The following PPP4R1 variants were observed in gnomAD, a reference collection of about 807,000 sequenced individuals.
PPP4R1 encodes the protein serine/threonine-protein phosphatase 4 regulatory subunit 1.
PPP4R1 carries 42 observed loss-of-function variants against 111.2 expected under a neutral mutation model. That is an observed-to-expected ratio of 0.38 (90% CI 0.29 to 0.49). PPP4R1 has a LOEUF of 0.49. Among genes scored for constraint, PPP4R1 ranks in the 20% least tolerant of loss-of-function variants. The probability of loss-of-function intolerance (pLI) is 0.97; values close to 1 mark genes in which losing one functional copy is unlikely to be tolerated. For missense variants in PPP4R1, 1,012 were observed against 1,161.6 expected (o/e 0.87, Z 1.87); for synonymous variants, 409 against 405.5 (o/e 1.01, Z -0.10).
intron 10 of PPP4R1, among the ~76,000 whole-genome samples, chr18:9,573,088 G>A (rs1183258458): frequency 6.6e-6 from 1 of 152,146 alleles, no homozygotes; most frequent in East Asian, 1.9e-4. Flanking sequence ...TGAAGCTAGT[G>A]CTGTTATGCA....
Position 9,547,676 on chromosome 18 carries a change from C to T in PPP4R1, c.*113G>A. The T allele has an allele frequency of 7.6e-7, 1 of 1,323,680 alleles. No homozygotes were observed. The highest frequency in any genetic ancestry group is 1.1e-6 in the Non-Finnish European group (1 of 949,798). The allele number at this position is 1,323,680 out of a possible 1,614,324, so 82.0% of individuals were successfully genotyped here. On this transcript the variant is annotated 3_prime_UTR_variant, in exon 20 of 20. Transcript: ENST00000400556. Reference sequence around the variant, plus strand: ...CAACTTGCACCTGCAATGAAGTCCGCAGGAGAGGAAGGTCTCTCCTCCCCC... The same window carrying T: ...CAACTTGCACCTGCAATGAAGTCCGTAGGAGAGGAAGGTCTCTCCTCCCCC...
chr18:9,565,635 C>G (rs1224470749), intron 11 of PPP4R1, among the ~76,000 whole-genome samples: 1 of 152,194 alleles, frequency 6.6e-6, no homozygotes, highest in Non-Finnish European at 1.5e-5. Context: ...GTGGTCTGGA[C>G]AGAAATCAAA....
Position 9,584,834 on chromosome 18 carries a change from A to G in PPP4R1, c.586-6T>C, listed in dbSNP as rs375774266. The G allele has an allele frequency of 7.6e-5, 121 of 1,590,914 alleles. No individual in the cohort carries two copies. The highest frequency in any genetic ancestry group is 9.4e-5 in the Non-Finnish European group (109 of 1,161,804). On this transcript the variant is annotated splice_region_variant and splice_polypyrimidine_tract_variant and intron_variant, in intron 6 of 19. Transcript: ENST00000400556. ...GGAGCCATTTTGCACATTATCTAAAATAAGTAAGAACAAACACACACTGAA... is the reference window on the plus strand; with the variant it reads ...GGAGCCATTTTGCACATTATCTAAAGTAAGTAAGAACAAACACACACTGAA...
intron 10 of PPP4R1, among the ~76,000 whole-genome samples, chr18:9,574,377 A>G (rs1450332811): frequency 1.3e-5 from 2 of 152,236 alleles, no homozygotes; most frequent in Non-Finnish European, 2.9e-5. Context: ...CTAAAGAGGT[A>G]TTGTATCCTG....
intron 6 of PPP4R1, chr18:9,587,407 TG>T (rs199691424): frequency 0.13 from 19,358 of 144,736 alleles, 1,588 homozygotes; most frequent in African/African-American, 0.24. Flanking sequence ...TTTTTTTTTT[TG>T]TTTTGTTTTT....
chr18:9,578,554 TA>T (rs58206099), intron 9 of PPP4R1, among the ~76,000 whole-genome samples: 9,214 of 135,536 alleles, frequency 0.068, 302 homozygotes, highest in Middle Eastern at 0.1. Context: ...TTCTTTTCTT[TA>T]AAAAAAAAAA....
intron 11 of PPP4R1, among the ~76,000 whole-genome samples, chr18:9,566,686 C>G (rs992466680): frequency 2.2e-4 from 31 of 141,960 alleles, no homozygotes; most frequent in Non-Finnish European, 3.5e-4. Flanking sequence ...CACACACACA[C>G]ACACACGTTA....
intron 2 of PPP4R1, among the ~76,000 whole-genome samples, chr18:9,595,929 C>A (rs1036524028): frequency 6.6e-6 from 1 of 152,150 alleles, no homozygotes; most frequent in South Asian, 2.1e-4. Flanking sequence ...AAGGTGCCCA[C>A]TGAATTTGGT....
In PPP4R1 at chr18:9,584,744, A is replaced by C. The variant is rs1488028811; in HGVS notation, c.670T>G (p.Cys224Gly). 6.2e-7 allele frequency: 1 copy of C among 1,613,822 alleles called. No individual in the cohort carries two copies. The highest frequency in any genetic ancestry group is 1.1e-5 in the South Asian group (1 of 91,038). ...ACCTTTCGAACGTGAAACATTCTGC[A>C]ATCGCAGCACATCTCACAAAACCTA... ...LPRFCEMCCD[C>G]RMFHVRKVCA... Residue 224 changes from cysteine (C) to glycine (G), a missense_variant, in exon 7 of 20, where the codon TGC becomes GGC. By Grantham distance (159) the Cys-to-Gly change is radical. Around this residue, in one of 2 missense-constraint regions of PPP4R1, gnomAD observed 707 missense variants for 742.1 expected, o/e 0.95. Coordinates refer to ENST00000400556, the MANE Select transcript of PPP4R1 (RefSeq NM_001042388.3).
At chr18:9,561,489 C>T (rs2066676671) in intron 13 of PPP4R1, among the ~76,000 whole-genome samples, 1 of 152,094 alleles carries the variant, frequency 6.6e-6, no homozygotes, top group Non-Finnish European at 1.5e-5. Context: ...AAGAAAAGAG[C>T]AAGGCAAGGC....
At chr18:9,557,187 G>A in intron 15 of PPP4R1, 34 bp downstream of exon 15, 1 of 1,526,938 alleles carries the variant, frequency 6.5e-7, no homozygotes, top group Non-Finnish European at 8.8e-7. Context: ...GCAGAATTTT[G>A]TTGTGTTTTT....
intron 18 of PPP4R1, chr18:9,549,691 A>G: frequency 2.2e-6 from 1 of 464,498 alleles, no homozygotes; most frequent in Non-Finnish European, 3.9e-6. Flanking sequence ...CCTGTGTAAT[A>G]TGCAGTGAGG....
rs1420309967 is a variant in PPP4R1, at chr18:9,603,662, A to AT, written c.53-8510dup. ...CCACCATGCCCAGGTAATTTTCTTT[A>AT]TTTTTTGTAGAGCTGCTGGTCTATG... On this transcript the variant is annotated intron_variant, in intron 2 of 19. Transcript: ENST00000400556. 2.0e-5 allele frequency among the ~76,000 whole-genome samples: 3 copies of AT among 149,570 alleles called. No homozygotes were observed. The East Asian group carries it at 5.8e-4, about 29-fold the overall frequency.
chr18:9,586,226 A>C (rs2067114251), intron 6 of PPP4R1, among the ~76,000 whole-genome samples: 1 of 151,960 alleles, frequency 6.6e-6, no homozygotes, highest in Admixed American at 6.5e-5. Context: ...TGACCAAAAA[A>C]CAAACACAAC....
rs142976947 is a variant in PPP4R1 at position 9,603,256 on chromosome 18, T to C, written c.53-8103A>G. On this transcript the variant is annotated intron_variant, in intron 2 of 19. Coordinates refer to ENST00000400556, the MANE Select transcript of PPP4R1 (RefSeq NM_001042388.3). The stretch of plus-strand genomic sequence containing the variant: ...ATGCAACAAAGTTTCTCAGCACTTA[T>C]AGCTCTTAAAATGAAAAGTAGAAAT... 4.1e-3 allele frequency among the ~76,000 whole-genome samples: 459 copies of C among 112,400 alleles called. 2 individuals are homozygous for C. In the Middle Eastern group the frequency reaches 0.048, roughly 12 times the overall value. The allele number at this position is 112,400 out of a possible 152,430, so 73.7% of individuals were successfully genotyped here. A position where few individuals can be genotyped will look rare whatever the true frequency, so the allele number is the denominator to read the frequency against.
At chr18:9,602,516 A>AG (rs2067404985) in intron 2 of PPP4R1, among the ~76,000 whole-genome samples, 1 of 150,544 alleles carries the variant, frequency 6.6e-6, no homozygotes, top group African/African-American at 2.4e-5. Flanking sequence ...ACTGCACTCC[A>AG]GCCTGGGCGA....
intron 9 of PPP4R1, among the ~76,000 whole-genome samples, chr18:9,579,326 C>A (rs1410194104): frequency 3.3e-5 from 5 of 152,122 alleles, no homozygotes; most frequent in Admixed American, 3.3e-4. Context: ...CTGGAAACCA[C>A]TAAAAAACCC....
intron 2 of PPP4R1, among the ~76,000 whole-genome samples, chr18:9,613,258 CCTATTGATTTTTTGATGGGTCG>C (rs1013783578): frequency 1.3e-5 from 2 of 152,286 alleles, no homozygotes; most frequent in Admixed American, 1.3e-4. Flanking sequence ...CATCTCAAAA[CCTATTGATTTTTTGATGGGTCG>C]CTATTTTGGA....
intron 9 of PPP4R1, among the ~76,000 whole-genome samples, chr18:9,577,672 A>AT (rs1302853136): frequency 6.6e-6 from 1 of 152,156 alleles, no homozygotes; most frequent in Non-Finnish European, 1.5e-5. Flanking sequence ...CTAAAAAAAA[A>AT]ACCCCAAACA....
Sources: allele counts gnomAD v4.1 joint callset (sites outside exome capture counted in the v4.1 genomes callset), GRCh38; gene constraint gnomAD v4.1.1; regional missense constraint gnomAD v4.1.1; transcripts MANE v1.5; gene names NCBI Gene and HGNC (gene_info 2026-07-23, HGNC 2026-07-21).